CARM1: variants seen among roughly 807,000 people sequenced by gnomAD.
CARM1 encodes the protein histone-arginine methyltransferase CARM1.
Under a neutral mutation model 72.7 loss-of-function variants are expected in CARM1, and 14 were observed. The ratio of observed to expected loss-of-function variants is 0.19; its 90% CI spans 0.13 to 0.30. The LOEUF (loss-of-function observed/expected upper bound fraction) is 0.30, where lower values mean the gene tolerates loss of function less well. Among genes scored for constraint, CARM1 ranks in the 10% least tolerant of loss-of-function variants. The probability of loss-of-function intolerance (pLI) is 1.00; values close to 1 mark genes in which losing one functional copy is unlikely to be tolerated. For synonymous variants in CARM1, 333 were observed against 345.5 expected, an observed-to-expected ratio of 0.96 and a Z score of 0.40; for missense variants, 432 against 833.7, an observed-to-expected ratio of 0.52 and a Z score of 5.93.
Position 10,871,643 on chromosome 19 carries a change from G to GGCGGCGGCGGCA in CARM1, c.-52_-51insGGCAGCGGCGGC, listed in dbSNP as rs1229466317. On this transcript the variant is annotated 5_prime_UTR_variant, in exon 1 of 16. Transcript: ENST00000327064. This position sits in a 1 kb window ranked among gnomAD's most constrained non-coding sequence, Gnocchi z 5.6. Reference sequence around the variant, plus strand: ...CGGCGGCGGCGGCGGCGGCGGCAGCGGCGGCGGCCTGGGCCCGGGCGCAGC... The same window carrying GGCGGCGGCGGCA: ...CGGCGGCGGCGGCGGCGGCGGCAGCGGCGGCGGCGGCAGCGGCGGCCTGGGCCCGGGCGCAGC... 1.4e-3 allele frequency: 206 copies of GGCGGCGGCGGCA among 142,080 alleles called. No homozygotes were observed. Among genetic ancestry groups the GGCGGCGGCGGCA allele is most frequent in the African/African-American group, 7.1e-3 (195 of 27,404 alleles). The allele number at this position is 142,080 out of a possible 1,614,324, so 8.8% of individuals were successfully genotyped here.
At chr19:10,873,544 G>A (rs1168296619) in intron 1 of CARM1, among the ~76,000 whole-genome samples, 3 of 149,092 alleles carry the variant, frequency 2.0e-5, no homozygotes, top group African/African-American at 5.0e-5. Context: ...AGCTGAGATC[G>A]TGCCATTGCA....
At chr19:10,919,856 C>G (rs1437486500) in intron 9 of CARM1, 21 bp from the exon 10 acceptor site, 1 of 1,595,600 alleles carries the variant, frequency 6.3e-7, no homozygotes. Flanking sequence ...TCCCCAGCAG[C>G]CACTGCCCTT....
At chr19:10,909,058 T>TCGTGCCACCATGTGCCC (rs1395983457) in intron 3 of CARM1, 45 bp from the exon 4 acceptor site, 1 of 1,472,846 alleles carries the variant, frequency 6.8e-7, no homozygotes, top group South Asian at 1.1e-5. Context: ...CTTGGCTGCC[T>TCGTGCCACCATGTGCCC]CGTGCCACCA....
chr19:10,886,926 C>A (rs1324357626), intron 1 of CARM1, among the ~76,000 whole-genome samples: 2 of 152,224 alleles, frequency 1.3e-5, no homozygotes, highest in Non-Finnish European at 2.9e-5. Context: ...AGTAGCTGGG[C>A]CTCCTGCCTC....
At position 10,872,003 on chromosome 19, in the gene CARM1, C is replaced by T. The variant is rs1362107674; in HGVS notation, c.220+81C>T. ...CGGGGCGGGGGCCGGCGGGGAGGGG[C>T]CCTGAGCGCGGGGGCCTGGCGTGGG... On this transcript the variant is annotated intron_variant, in intron 1 of 15. Transcript: ENST00000327064. The T allele has an allele frequency of 1.6e-5, 18 of 1,107,548 alleles. No homozygotes were observed. The South Asian group carries it at 1.8e-4, about 11-fold the overall frequency. The allele number at this position is 1,107,548 out of a possible 1,614,324, so 68.6% of individuals were successfully genotyped here.
rs764018551 is a variant in CARM1, at chr19:10,909,085, G to A, written c.454-18G>A. 5.8e-5 allele frequency: 92 copies of A among 1,594,800 alleles called. 1 individual carries two copies. In the Middle Eastern group the frequency reaches 6.7e-4, roughly 12 times the overall value. ...GTGCCACCATGTGCCCCGTGCCATC[G>A]GTATGTCTCTGTTCCAGTTTTATGG... On this transcript the variant is annotated intron_variant, in intron 3 of 15. Transcript: ENST00000327064.
At chr19:10,879,943 A>G (rs983160048) in intron 1 of CARM1, among the ~76,000 whole-genome samples, 2 of 152,182 alleles carry the variant, frequency 1.3e-5, no homozygotes, top group Non-Finnish European at 2.9e-5. Flanking sequence ...GAAGGTGTCC[A>G]GTGCTGTGAG....
At chr19:10,875,836 G>T (rs1447475576) in intron 1 of CARM1, among the ~76,000 whole-genome samples, 1 of 151,218 alleles carries the variant, frequency 6.6e-6, no homozygotes, top group Non-Finnish European at 1.5e-5. Flanking sequence ...TCCTAATAAG[G>T]TCACCTTCAC....
chr19:10,907,516 GCCCACCTCAGCCT>G (rs1305525792), intron 2 of CARM1, among the ~76,000 whole-genome samples: 4 of 151,744 alleles, frequency 2.6e-5, no homozygotes, highest in Non-Finnish European at 5.9e-5. Context: ...CAGCTGATCT[GCCCACCTCAGCCT>G]CCCACCTCAG....
chr19:10,889,616 A>G (rs1334304372), intron 1 of CARM1, among the ~76,000 whole-genome samples: 1 of 151,898 alleles, frequency 6.6e-6, no homozygotes, highest in African/African-American at 2.4e-5. Flanking sequence ...GGCGTGAGCT[A>G]CCATGCCTGG....
intron 1 of CARM1, among the ~76,000 whole-genome samples, chr19:10,873,197 A>G (rs1302455694): frequency 2.0e-5 from 3 of 152,156 alleles, no homozygotes; most frequent in African/African-American, 7.2e-5. Flanking sequence ...TTGGTAGCCA[A>G]CTTTGTCCTG....
At chr19:10,883,601 G>A (rs780434641) in intron 1 of CARM1, among the ~76,000 whole-genome samples, 1 of 152,200 alleles carries the variant, frequency 6.6e-6, no homozygotes, top group Non-Finnish European at 1.5e-5. Context: ...TCCTCAGGCC[G>A]GCGTGCAGTG....
intron 1 of CARM1, among the ~76,000 whole-genome samples, chr19:10,886,056 CTTT>C (rs899009522): frequency 7.3e-6 from 1 of 136,500 alleles, no homozygotes; most frequent in Non-Finnish European, 1.6e-5. Context: ...TTCTTTCTTT[CTTT>C]TTTTTTTTTT....
rs1203551032 is a variant in CARM1, at chr19:10,894,671, C to T, written c.221-10280C>T. 3.3e-5 allele frequency among the ~76,000 whole-genome samples: 5 copies of T among 151,846 alleles called. No individual in the cohort carries two copies. The South Asian group carries it at 8.3e-4, about 25-fold the overall frequency. On this transcript the variant is annotated intron_variant, in intron 1 of 15. Coordinates refer to ENST00000327064, the MANE Select transcript of CARM1 (RefSeq NM_199141.2). ...CAAGAGCTTGAAATGTGGCCTTTCT[C>T]CCCCGAGCTGCTGCTGCTTTTCTTC...
At position 10,922,046 on chromosome 19, in the gene CARM1, C is replaced by A; in HGVS notation, c.*289C>A. ...TACCCTGACCTGGGCTTGTCATCTG[C>A]TGGAACAGGCGCCATGGGGCCTGCC... On this transcript the variant is annotated 3_prime_UTR_variant, in exon 16 of 16. Transcript: ENST00000327064. The A allele has an allele frequency of 3.8e-6, 1 of 264,876 alleles. No homozygotes were observed. Among genetic ancestry groups the A allele is most frequent in the South Asian group, 9.9e-5 (1 of 10,066 alleles). The allele number at this position is 264,876 out of a possible 1,614,324, so 16.4% of individuals were successfully genotyped here.
chr19:10,914,075 A>C, intron 6 of CARM1, 21 bp downstream of exon 6: 1 of 1,596,420 alleles, frequency 6.3e-7, no homozygotes, highest in Non-Finnish European at 8.5e-7. Context: ...GGGGGTACAC[A>C]GGCCAGGCCC....
Position 10,908,162 on chromosome 19 carries a change from C to A in CARM1, c.453+17C>A, listed in dbSNP as rs368094669. 352 of 1,562,022 alleles carry A rather than the reference C, an allele frequency of 2.3e-4. No homozygotes were observed. Among genetic ancestry groups the A allele is most frequent in the Non-Finnish European group, 3.0e-4 (339 of 1,132,808 alleles). ...TACTTCCAGGTGGGTTGTACTCCCC[C>A]TCAGCCAGGCCGCCTCCCCCCGGCA... On this transcript the variant is annotated intron_variant, in intron 3 of 15. Coordinates refer to ENST00000327064, the MANE Select transcript of CARM1 (RefSeq NM_199141.2).
At chr19:10,890,272 T>TG (rs998572079) in intron 1 of CARM1, among the ~76,000 whole-genome samples, 1 of 149,602 alleles carries the variant, frequency 6.7e-6, no homozygotes, top group Non-Finnish European at 1.5e-5. Flanking sequence ...TTTGTTTGTT[T>TG]TTTTTTTTTT....
intron 8 of CARM1, chr19:10,919,314 T>A (rs952260437): frequency 2.5e-6 from 1 of 396,906 alleles, no homozygotes; most frequent in African/African-American, 2.0e-5. Flanking sequence ...ACAATCTAAT[T>A]ATACATGTAA....
Sources: gnomAD v4.1 joint callset for allele counts (sites outside exome capture counted in the v4.1 genomes callset) on GRCh38, gnomAD v4.1.1 for gene constraint, Gnocchi (gnomAD v3.1) non-coding constraint, MANE v1.5 for transcripts, NCBI Gene and HGNC (gene_info 2026-07-23, HGNC 2026-07-21) for gene names.